ERBB4: variants seen among roughly 807,000 people sequenced by gnomAD.
ERBB4 encodes erb-b2 receptor tyrosine kinase 4.
Under a neutral mutation model 158.0 loss-of-function variants are expected in ERBB4, and 42 were observed. The ratio of observed to expected loss-of-function variants is 0.27; its 90% CI spans 0.21 to 0.34. The LOEUF (loss-of-function observed/expected upper bound fraction) is 0.34, where lower values mean the gene tolerates loss of function less well. ERBB4 is among the 10% of genes least tolerant of loss of function. The pLI is 1.00. For missense variants in ERBB4, 1,333 were observed against 1,624.1 expected, an observed-to-expected ratio of 0.82 and a Z score of 3.08; for synonymous variants, 583 against 558.7, an observed-to-expected ratio of 1.04 and a Z score of -0.61.
chr2:212,112,433 G>A (rs543983152), intron 2 of ERBB4, among the ~76,000 whole-genome samples: 123 of 151,394 alleles, frequency 8.1e-4, no homozygotes, highest in Non-Finnish European at 1.4e-3. Context: ...ATCTAGTTCC[G>A]AAATTTTTAT....
intron 25 of ERBB4, among the ~76,000 whole-genome samples, chr2:211,391,582 C>G (rs573375423): frequency 6.6e-6 from 1 of 152,132 alleles, no homozygotes; most frequent in South Asian, 2.1e-4. Context: ...AATTCTGTGG[C>G]CATATCGCTG....
chr2:211,715,061 A>C (rs1039097765), intron 7 of ERBB4, among the ~76,000 whole-genome samples: 1 of 152,212 alleles, frequency 6.6e-6, no homozygotes, highest in Admixed American at 6.5e-5. Context: ...CTAGACTTGA[A>C]GCACAGAGAC....
rs556552494 is a variant in ERBB4, at chr2:211,726,180, T to A, written c.623-986A>T. Among the ~76,000 whole-genome samples, 13 of 152,294 alleles carry A rather than the reference T, an allele frequency of 8.5e-5. No homozygotes were observed. In the South Asian group the frequency reaches 2.7e-3, roughly 32 times the overall value. On this transcript the variant is annotated intron_variant, in intron 5 of 27. Transcript: ENST00000342788. ...TATTTTCAAACAGATCTTCTAAGCT[T>A]TCTTTGTTCCTACCTTATCAAGACT...
intron 1 of ERBB4, among the ~76,000 whole-genome samples, chr2:212,462,029 C>T (rs1047274766): frequency 1.3e-5 from 2 of 152,112 alleles, no homozygotes; most frequent in African/African-American, 4.8e-5. Context: ...TCAAATTGCC[C>T]AGTGTCAGGT....
chr2:212,095,155 A>C (rs1439499188), intron 2 of ERBB4, among the ~76,000 whole-genome samples: 1 of 152,156 alleles, frequency 6.6e-6, no homozygotes, highest in Non-Finnish European at 1.5e-5. Flanking sequence ...GTCACTAGGC[A>C]TTTCCTGAGT....
At chr2:212,125,815 A>C (rs1041293626) in intron 1 of ERBB4, among the ~76,000 whole-genome samples, 1 of 152,138 alleles carries the variant, frequency 6.6e-6, no homozygotes, top group African/African-American at 2.4e-5. Flanking sequence ...TATCCAGTCT[A>C]TTATTGATGG....
At chr2:212,171,866 A>C (rs1349703271) in intron 1 of ERBB4, among the ~76,000 whole-genome samples, 1 of 152,172 alleles carries the variant, frequency 6.6e-6, no homozygotes, top group African/African-American at 2.4e-5. Flanking sequence ...AAACAGACCA[A>C]TACAATGATT....
intron 1 of ERBB4, among the ~76,000 whole-genome samples, chr2:212,444,519 T>C (rs1377207988): frequency 6.6e-6 from 1 of 152,160 alleles, no homozygotes. Flanking sequence ...ACTGTGAAGA[T>C]ATTTGTTTCC....
intron 4 of ERBB4, among the ~76,000 whole-genome samples, chr2:211,783,268 G>A (rs2076078970): frequency 6.6e-6 from 1 of 152,210 alleles, no homozygotes; most frequent in African/African-American, 2.4e-5. Context: ...AAGATTTTGG[G>A]CTGAGACAAT....
intron 1 of ERBB4, among the ~76,000 whole-genome samples, chr2:212,139,422 T>C (rs2080372701): frequency 6.6e-6 from 1 of 152,026 alleles, no homozygotes; most frequent in South Asian, 2.1e-4. Flanking sequence ...TATTTTATCT[T>C]AGACAATTTG....
At chr2:211,508,016 T>C (rs1018811233) in intron 20 of ERBB4, among the ~76,000 whole-genome samples, 27 of 151,952 alleles carry the variant, frequency 1.8e-4, no homozygotes, top group Non-Finnish European at 3.1e-4. Context: ...TGTAAAACCC[T>C]AAATCATAAA....
intron 25 of ERBB4, among the ~76,000 whole-genome samples, chr2:211,415,079 AG>A (rs1480822820): frequency 6.7e-6 from 1 of 149,062 alleles, no homozygotes. Flanking sequence ...TGAAATACTA[AG>A]GCAAATCCCA....
chr2:211,825,324 C>G (rs2077078465), intron 3 of ERBB4, among the ~76,000 whole-genome samples: 1 of 151,752 alleles, frequency 6.6e-6, no homozygotes, highest in East Asian at 1.9e-4. Context: ...AGAATACATA[C>G]TTATAGGCCC....
chr2:212,360,696 A>G (rs1479341659), intron 1 of ERBB4, among the ~76,000 whole-genome samples: 1 of 151,734 alleles, frequency 6.6e-6, no homozygotes, highest in African/African-American at 2.4e-5. Context: ...CACAGAAAGC[A>G]TGGTGACTTT....
intron 4 of ERBB4, among the ~76,000 whole-genome samples, chr2:211,761,438 T>G (rs1286262714): frequency 6.6e-6 from 1 of 152,084 alleles, no homozygotes; most frequent in South Asian, 2.1e-4. Context: ...ATCAGCGACA[T>G]CCATCTTAAT....
intron 5 of ERBB4, among the ~76,000 whole-genome samples, chr2:211,728,201 T>A (rs1288017417): frequency 6.6e-6 from 1 of 151,780 alleles, no homozygotes; most frequent in African/African-American, 2.4e-5. Flanking sequence ...CTCCCTTCCT[T>A]CCTTCCTGTA....
Position 212,274,202 on chromosome 2 carries a change from C to A in ERBB4, c.83-149299G>T, listed in dbSNP as rs185509397. 3.2e-4 allele frequency among the ~76,000 whole-genome samples: 49 copies of A among 151,934 alleles called. 1 individual carries two copies. Among genetic ancestry groups the A allele is most frequent in the Non-Finnish European group, 2.9e-5 (2 of 67,876 alleles). On this transcript the variant is annotated intron_variant, in intron 1 of 27. Transcript: ENST00000342788. ...TCCTGTCTGAAAGGTCAGGAAACTG[C>A]AGTTGCAAACCTCAATCTACAGGAC...
chr2:212,514,847 T>G (rs927348429), intron 1 of ERBB4, among the ~76,000 whole-genome samples: 5 of 151,984 alleles, frequency 3.3e-5, no homozygotes, highest in Non-Finnish European at 5.9e-5. Context: ...AGAAGTAAAC[T>G]GATGCAAAAG....
intron 2 of ERBB4, among the ~76,000 whole-genome samples, chr2:211,958,273 A>G (rs2081085310): frequency 6.6e-6 from 1 of 152,126 alleles, no homozygotes; most frequent in Non-Finnish European, 1.5e-5. Context: ...AACATACGCA[A>G]TAGGCATTCT....
Sources: gnomAD v4.1 joint callset for allele counts (sites outside exome capture counted in the v4.1 genomes callset) on GRCh38, gnomAD v4.1.1 for gene constraint, MANE v1.5 for transcripts, NCBI Gene and HGNC (gene_info 2026-07-23, HGNC 2026-07-21) for gene names.